Variants in SLC24A2 observed in about 807,000 individuals in gnomAD.
SLC24A2 encodes the protein solute carrier family 24 member 2.
SLC24A2 carries 36 observed loss-of-function variants against 62.0 expected under a neutral mutation model. That is an observed-to-expected ratio of 0.58 (90% confidence interval 0.44 to 0.77). The LOEUF is 0.77. SLC24A2 is among the 30% of genes least tolerant of loss of function. The probability of loss-of-function intolerance (pLI) is 0.00; values close to 1 mark genes in which losing one functional copy is unlikely to be tolerated. For synonymous variants in SLC24A2, 358 were observed against 294.0 expected (o/e 1.22, Z -2.23); for missense variants, 846 against 817.9 (o/e 1.03, Z -0.42).
the SLC24A2 span, among the ~76,000 whole-genome samples, chr9:20,295,865 A>G: frequency 0.67 from 102,179 of 152,012 alleles, 35,145 homozygotes; most frequent in Middle Eastern, 0.88. Flanking sequence ...CTCAGCCTCC[A>G]TAACTGCGTG....
rs554370342 is a variant in SLC24A2, at chr9:19,536,011, T to C, written c.1480-7873A>G. Among the ~76,000 whole-genome samples, 117 of 152,242 alleles carry C rather than the reference T, an allele frequency of 7.7e-4. 1 individual carries two copies. Among genetic ancestry groups the C allele is most frequent in the African/African-American group, 2.7e-3 (114 of 41,508 alleles). On this transcript the variant is annotated intron_variant, in intron 8 of 10. Coordinates refer to ENST00000341998, the MANE Select transcript of SLC24A2 (RefSeq NM_020344.4). ...TTCCATTTATTTGTGTCCTCTCTTA[T>C]TTCCTTGAGCAGTGGTTTGCAGTTC...
rs541111492 is a variant in SLC24A2, at chr9:19,786,595, T to C, written c.272A>G (p.Asn91Ser). 1.9e-6 allele frequency: 3 copies of C among 1,614,190 alleles called. No individual in the cohort carries two copies. The East Asian group carries it at 6.7e-5, about 36-fold the overall frequency. Residue 91 changes from asparagine to serine, a missense_variant, in exon 2 of 11, where the codon AAT (asparagine) becomes AGT (serine). Transcript: ENST00000341998. This position sits in a 1 kb window ranked among gnomAD's most constrained non-coding sequence, Gnocchi z 5.0. Reference protein sequence around the residue: ...GYHQRTLLDLNDKILDYTPQP... With the variant: ...GYHQRTLLDLSDKILDYTPQP... ...TGGAGTATAATCCAGAATCTTGTCATTTAAATCTAAGAGAGTTCTCTGATG... is the reference window on the plus strand; with the variant it reads ...TGGAGTATAATCCAGAATCTTGTCACTTAAATCTAAGAGAGTTCTCTGATG...
chr9:20,258,697 G>A, the SLC24A2 span, among the ~76,000 whole-genome samples: 1 of 151,912 alleles, frequency 6.6e-6, no homozygotes, highest in Non-Finnish European at 1.5e-5. Context: ...GCTTGCAGAT[G>A]GTCTGTCACG....
chr9:19,535,987 T>G (rs539062160), intron 8 of SLC24A2, among the ~76,000 whole-genome samples: 6 of 152,100 alleles, frequency 3.9e-5, no homozygotes, highest in Non-Finnish European at 5.9e-5. Context: ...GGCATGTTGT[T>G]CCATTTATTT....
intron 2 of SLC24A2, among the ~76,000 whole-genome samples, chr9:19,647,538 G>T (rs537096660): frequency 3.3e-5 from 5 of 150,840 alleles, no homozygotes; most frequent in Admixed American, 3.3e-4. Flanking sequence ...CATGGCTACT[G>T]GCTTAGCAAT....
the SLC24A2 span, among the ~76,000 whole-genome samples, chr9:20,207,387 C>G: frequency 6.6e-6 from 1 of 152,198 alleles, no homozygotes; most frequent in East Asian, 1.9e-4. Flanking sequence ...GCTACTAAAT[C>G]ACACTCTTGA....
the SLC24A2 span, among the ~76,000 whole-genome samples, chr9:20,165,140 T>A: frequency 6.6e-6 from 1 of 151,334 alleles, no homozygotes. Flanking sequence ...ATAATAATAA[T>A]AAAAAAAGAA....
the SLC24A2 span, among the ~76,000 whole-genome samples, chr9:19,950,423 A>C: frequency 6.6e-6 from 1 of 152,116 alleles, no homozygotes; most frequent in African/African-American, 2.4e-5. Context: ...CATAATAGAG[A>C]GACTTTGTAA....
At chr9:19,881,431 T>G in the SLC24A2 span, among the ~76,000 whole-genome samples, 15,569 of 152,152 alleles carry the variant, frequency 0.1, 1,338 homozygotes, top group African/African-American at 0.25. Context: ...ATAGAGATTT[T>G]AGGGGACCTT....
At chr9:19,922,366 GTTC>G in the SLC24A2 span, among the ~76,000 whole-genome samples, 1 of 152,094 alleles carries the variant, frequency 6.6e-6, no homozygotes, top group Admixed American at 6.5e-5. Context: ...GCCATTTAGT[GTTC>G]TTCTCTGATT....
chr9:20,068,094 C>T, the SLC24A2 span, among the ~76,000 whole-genome samples: 5 of 126,724 alleles, frequency 3.9e-5, no homozygotes, highest in South Asian at 2.4e-4. Context: ...GACGGAGTCT[C>T]GCTCTGTCAC....
chr9:19,791,398 A>G (rs1283274346), upstream of SLC24A2, among the ~76,000 whole-genome samples: 1 of 152,230 alleles, frequency 6.6e-6, no homozygotes, highest in Non-Finnish European at 1.5e-5. Context: ...TGTAAACAGT[A>G]TTTCAACTGA....
the SLC24A2 span, among the ~76,000 whole-genome samples, chr9:19,901,690 G>A: frequency 6.6e-6 from 1 of 152,174 alleles, no homozygotes; most frequent in Non-Finnish European, 1.5e-5. Flanking sequence ...TTAGGCCCTA[G>A]ATGTCAAAGG....
chr9:19,905,029 T>C, the SLC24A2 span, among the ~76,000 whole-genome samples: 4 of 152,312 alleles, frequency 2.6e-5, 1 homozygote, highest in African/African-American at 7.2e-5. Flanking sequence ...TCTTGAAAAT[T>C]AGATTTTTTG....
At chr9:20,051,655 C>CTTTTTTTTTTTTTT in the SLC24A2 span, among the ~76,000 whole-genome samples, 1 of 46,080 alleles carries the variant, frequency 2.2e-5, no homozygotes, top group Non-Finnish European at 3.8e-5. Flanking sequence ...TTTTTTCTTT[C>CTTTTTTTTTTTTTT]TCTTTTTTTT....
At chr9:20,031,151 C>T in the SLC24A2 span, among the ~76,000 whole-genome samples, 1 of 151,304 alleles carries the variant, frequency 6.6e-6, no homozygotes, top group Admixed American at 6.6e-5. Flanking sequence ...TATGTATACA[C>T]ACACATATAT....
chr9:19,913,573 G>A, the SLC24A2 span, among the ~76,000 whole-genome samples: 51 of 152,224 alleles, frequency 3.4e-4, no homozygotes, highest in Admixed American at 9.8e-4. Flanking sequence ...AAAGGACATC[G>A]TGATTTCAGA....
chr9:20,197,574 G>A, the SLC24A2 span, among the ~76,000 whole-genome samples: 1 of 151,826 alleles, frequency 6.6e-6, no homozygotes, highest in Non-Finnish European at 1.5e-5. Context: ...TGACACTACA[G>A]GCATGCACCA....
chr9:20,295,065 T>C, the SLC24A2 span, among the ~76,000 whole-genome samples: 195 of 142,658 alleles, frequency 1.4e-3, 1 homozygote, highest in Middle Eastern at 7.2e-3. Context: ...CACACACACA[T>C]ACACACACAC....
Sources: allele counts gnomAD v4.1 joint callset (sites outside exome capture counted in the v4.1 genomes callset), GRCh38; gene constraint gnomAD v4.1.1; non-coding constraint Gnocchi (gnomAD v3.1); transcripts MANE v1.5; gene names NCBI Gene and HGNC (gene_info 2026-07-23, HGNC 2026-07-21).